Variants in KLHL13 observed in about 807,000 individuals in gnomAD.
The protein encoded by KLHL13 is kelch-like protein 13.
KLHL13 carries 10 observed loss-of-function variants against 37.1 expected under a neutral mutation model. That is an observed-to-expected ratio of 0.27 (90% confidence interval 0.17 to 0.46). KLHL13 has a LOEUF of 0.46. KLHL13 is among the 20% of genes least tolerant of loss of function. KLHL13 has a pLI of 1.00. For synonymous variants in KLHL13, 163 were observed against 181.2 expected (o/e 0.90, Z 0.81); for missense variants, 360 against 509.3 (o/e 0.71, Z 2.82).
At chrX:117,949,235 A>G (rs1316605051) in intron 1 of KLHL13, among the ~76,000 whole-genome samples, 1 of 112,378 alleles carries the variant, frequency 8.9e-6, no homozygotes, top group Non-Finnish European at 1.9e-5. Flanking sequence ...AACATGTCAT[A>G]AACTCCTACT....
chrX:118,075,694 T>C (rs2054921901), intron 1 of KLHL13, among the ~76,000 whole-genome samples: 1 of 111,527 alleles, frequency 9.0e-6, no homozygotes, highest in Non-Finnish European at 1.9e-5. Context: ...AAGAAAATCA[T>C]GTAGGATAGG....
chrX:118,019,353 T>G (rs1569292968), intron 1 of KLHL13, among the ~76,000 whole-genome samples: 1 of 111,349 alleles, frequency 9.0e-6, no homozygotes, highest in Non-Finnish European at 1.9e-5. Flanking sequence ...GTTTTTTTCT[T>G]GTAAATTTGT....
intron 1 of KLHL13, among the ~76,000 whole-genome samples, chrX:117,997,641 A>G: frequency 1.8e-5 from 2 of 112,034 alleles, no homozygotes; most frequent in Non-Finnish European, 3.8e-5. Context: ...AACATTTAAT[A>G]AATTGCAGGT....
chrX:117,950,670 G>A (rs1209410419), intron 1 of KLHL13, among the ~76,000 whole-genome samples: 1 of 111,677 alleles, frequency 9.0e-6, no homozygotes, highest in Non-Finnish European at 1.9e-5. Flanking sequence ...AACAAAACAG[G>A]TTGGTTAATC....
chrX:118,064,584 CAT>C (rs1442260874), intron 1 of KLHL13, among the ~76,000 whole-genome samples: 4 of 111,985 alleles, frequency 3.6e-5, no homozygotes, highest in African/African-American at 9.7e-5. Context: ...AAATGATTAT[CAT>C]ATGTTTGACA....
intron 1 of KLHL13, among the ~76,000 whole-genome samples, chrX:117,949,501 T>A (rs1933481161): frequency 9.0e-6 from 1 of 111,414 alleles, no homozygotes; most frequent in African/African-American, 3.3e-5. Flanking sequence ...ACTCTTAGAA[T>A]TCATTATAGT....
At chrX:117,926,886 T>C (rs1016478659) in intron 2 of KLHL13, among the ~76,000 whole-genome samples, 4 of 14,164 alleles carry the variant, frequency 2.8e-4, no homozygotes, top group Non-Finnish European at 4.8e-4. Flanking sequence ...CCCCTACTTC[T>C]TTTTTTTTTT....
chrX:118,069,785 T>C (rs1344037886), intron 1 of KLHL13, among the ~76,000 whole-genome samples: 1 of 111,761 alleles, frequency 8.9e-6, no homozygotes, highest in Non-Finnish European at 1.9e-5. Context: ...AAAAAATATT[T>C]TTTATAAATT....
rs2053372462 is a variant in KLHL13, at chrX:117,964,354, C to A, written c.98+8377G>T. On this transcript the variant is annotated intron_variant, in intron 1 of 6. Transcript: ENST00000262820. ...TTATCAATATTGAAAGTACAGTAAG[C>A]AAGAATTTATTTAACCTGTTTGTCT... 2.7e-5 allele frequency among the ~76,000 whole-genome samples: 3 copies of A among 111,922 alleles called. No homozygotes were observed. In the South Asian group the frequency reaches 1.1e-3, roughly 42 times the overall value.
intron 1 of KLHL13, among the ~76,000 whole-genome samples, chrX:117,967,848 G>A (rs2053462526): frequency 8.9e-6 from 1 of 112,011 alleles, no homozygotes; most frequent in South Asian, 3.7e-4. Context: ...AATAAACACA[G>A]ACAGTGAGGA....
intron 1 of KLHL13, among the ~76,000 whole-genome samples, chrX:118,025,534 C>T (rs974226185): frequency 9.0e-6 from 1 of 110,713 alleles, no homozygotes; most frequent in Non-Finnish European, 1.9e-5. Context: ...TTCACGGAAC[C>T]CTTATTTAAC....
chrX:118,116,373 G>C (rs2055468946), intron 1 of KLHL13, 135 bp downstream of exon 1: 1 of 112,891 alleles, frequency 8.9e-6, no homozygotes, highest in South Asian at 3.7e-4. Flanking sequence ...CGGGCAAAAT[G>C]AAGCTGTTTC....
chrX:118,096,923 G>C (rs774765917), intron 1 of KLHL13, among the ~76,000 whole-genome samples: 19 of 110,995 alleles, frequency 1.7e-4, no homozygotes, highest in African/African-American at 3.9e-4. Context: ...TTGATGGGAC[G>C]TATCTCAAAA....
At chrX:118,045,106 G>T (rs1024354639) in intron 1 of KLHL13, among the ~76,000 whole-genome samples, 4 of 111,533 alleles carry the variant, frequency 3.6e-5, no homozygotes, top group African/African-American at 1.3e-4. Context: ...GGGTGTGGTG[G>T]CTCATGCCTG....
rs750855640 is a variant in KLHL13 at position 118,083,454 on chromosome X, T to C, written c.-56+33054A>G. Among the ~76,000 whole-genome samples, 15 of 111,912 alleles carry C rather than the reference T, an allele frequency of 1.3e-4. No individual in the cohort carries two copies. The South Asian group carries it at 5.7e-3, about 42-fold the overall frequency. On this transcript the variant is annotated intron_variant, in intron 1 of 6. Transcript: ENST00000371882. Reference sequence around the variant, plus strand: ...CAAAATTGATGAACTTAGAGGACATTATGCTAAGTGAAATAAGACAAGAAC... The same window carrying C: ...CAAAATTGATGAACTTAGAGGACATCATGCTAAGTGAAATAAGACAAGAAC...
rs1192724182 is a variant in KLHL13 at position 118,034,504 on chromosome X, T to C, written c.-56+82004A>G. Among the ~76,000 whole-genome samples the C allele has an allele frequency of 6.0e-3, 555 of 92,196 alleles. 5 individuals carry two copies. The highest frequency in any genetic ancestry group is 0.026 in the African/African-American group (514 of 19,902). The allele number at this position is 92,196 out of a possible 115,157, so 80.1% of individuals were successfully genotyped here. ...TACTGAATGACTACTGGGTACATAA[T>C]GAAATGAAGGCAGAAATAAAGATGT... On this transcript the variant is annotated intron_variant, in intron 1 of 6. Transcript: ENST00000371882.
intron 1 of KLHL13, among the ~76,000 whole-genome samples, chrX:118,014,791 C>A: frequency 8.9e-6 from 1 of 111,987 alleles, no homozygotes; most frequent in Non-Finnish European, 1.9e-5. Context: ...GGGGCTGATT[C>A]CCCCAATACC....
intron 1 of KLHL13, among the ~76,000 whole-genome samples, chrX:118,023,875 T>C (rs7879126): frequency 0.055 from 6,138 of 112,052 alleles, 401 homozygotes; most frequent in African/African-American, 0.19. Flanking sequence ...TATGTTTTAC[T>C]GTATTTGGAA....
At chrX:118,086,690 G>A (rs2055058179) in intron 1 of KLHL13, among the ~76,000 whole-genome samples, 1 of 111,768 alleles carries the variant, frequency 8.9e-6, no homozygotes, top group Non-Finnish European at 1.9e-5. Flanking sequence ...TATTTGCATA[G>A]AAAACATCTG....
Sources: allele counts gnomAD v4.1 joint callset (sites outside exome capture counted in the v4.1 genomes callset), GRCh38; gene constraint gnomAD v4.1.1; transcripts MANE v1.5; gene names NCBI Gene and HGNC (gene_info 2026-07-23, HGNC 2026-07-21).